MAP2K2: variants seen among roughly 807,000 people sequenced by gnomAD.
MAP2K2 encodes mitogen-activated protein kinase kinase 2.
MAP2K2 carries 24 observed loss-of-function variants against 43.7 expected under a neutral mutation model. That is an observed-to-expected ratio of 0.55 (90% CI 0.40 to 0.77). The LOEUF (loss-of-function observed/expected upper bound fraction) is 0.77. Among genes scored for constraint, MAP2K2 ranks in the 30% least tolerant of loss-of-function variants. MAP2K2 has a pLI of 0.00. For synonymous variants in MAP2K2, 244 were observed against 239.7 expected, an observed-to-expected ratio of 1.02 and a Z score of -0.17; for missense variants, 470 against 566.8, an observed-to-expected ratio of 0.83 and a Z score of 1.73.
intron 2 of MAP2K2, among the ~76,000 whole-genome samples, chr19:4,117,099 G>C (rs965181431): frequency 5.3e-5 from 8 of 152,178 alleles, no homozygotes; most frequent in African/African-American, 1.7e-4. Flanking sequence ...TTCATCGCTT[G>C]TTTCTCTGGA....
chr19:4,090,610 G>C lies in MAP2K2; in HGVS notation c.1191C>G (p.Arg397=). Reference sequence around the variant, plus strand: ...AGCCCGGCCACTGTCACACGGCGGTGCGCGTGGGTGTGCCGGGCTGGTTCA... The same window carrying C: ...AGCCCGGCCACTGTCACACGGCGGTCCGCGTGGGTGTGCCGGGCTGGTTCA... ...LRLNQPGTPT[R]TAV The change falls in exon 11 of 11, where the codon CGC becomes CGG. Residue 397 remains arginine (R), a synonymous_variant. Transcript: ENST00000262948. 1 of 1,551,388 alleles carries C rather than the reference G, an allele frequency of 6.4e-7. No homozygotes were observed. The highest frequency in any genetic ancestry group is 8.7e-7 in the Non-Finnish European group (1 of 1,147,486).
Position 4,099,433 on chromosome 19 carries a change from G to A in MAP2K2, c.706-19C>T, listed in dbSNP as rs781643833. On this transcript the variant is annotated intron_variant, in intron 6 of 10. Coordinates refer to ENST00000262948, the MANE Select transcript of MAP2K2 (RefSeq NM_030662.4). The stretch of plus-strand genomic sequence containing the variant: ...GCTCCGGCTGCAGCAGAGCCAGGGA[G>A]GAAAGAGCCCAGAGGGGCGAGGATG... 1.1e-5 allele frequency: 17 copies of A among 1,582,626 alleles called. No individual in the cohort carries two copies. The highest frequency in any genetic ancestry group is 4.0e-5 in the African/African-American group (3 of 74,082).
chr19:4,099,092 G>C (rs570492664), intron 7 of MAP2K2, 109 bp downstream of exon 7: 208 of 910,320 alleles, frequency 2.3e-4, no homozygotes, highest in Non-Finnish European at 3.4e-4. Flanking sequence ...CATCCAGGGG[G>C]ACAGGTGGTG....
chr19:4,094,899 C>A, intron 9 of MAP2K2: 1 of 381,128 alleles, frequency 2.6e-6, no homozygotes, highest in South Asian at 3.4e-5. Flanking sequence ...GTCCCGAGCT[C>A]ACACACATGG....
Position 4,101,033 on chromosome 19 carries a change from G to A in MAP2K2, c.691C>T (p.Arg231Cys), listed in dbSNP as rs375843855. Residue 231 changes from arginine to cysteine, a missense_variant, in exon 6 of 11, where the codon CGC (arginine) becomes TGC (cysteine). By Grantham distance (180) the Arg-to-Cys change is radical. Transcript: ENST00000262948. This position sits in a 1 kb window ranked among gnomAD's most constrained non-coding sequence, Gnocchi z 6.3. Reference sequence around the variant, plus strand: ...CGGGGACTCACAGCCATGTAGGAGCGCGTGCCCACGAAGGAGTTGGCCATG... The same window carrying A: ...CGGGGACTCACAGCCATGTAGGAGCACGTGCCCACGAAGGAGTTGGCCATG... ...DSMANSFVGT[R>C]SYMAPERLQG... is the part of the protein sequence containing the mutation. The A allele has an allele frequency of 1.9e-6, 3 of 1,563,482 alleles. No homozygotes were observed. Among genetic ancestry groups the A allele is most frequent in the Non-Finnish European group, 2.6e-6 (3 of 1,154,708 alleles).
rs963596101 is a variant in MAP2K2 at position 4,095,403 on chromosome 19, T to C, written c.1031A>G (p.Glu344Gly). ...CTCCACCTACCATTTATTGACAAAC[T>C]CCTGGAAGTCGGGGGTGAACACACC... is the stretch of plus-strand genomic sequence containing the variant. ...PNGVFTPDFQ[E>G]FVNKCLIKNP... Residue 344 changes from glutamate to glycine, a missense_variant, in exon 9 of 11, where the codon GAG becomes GGG. Coordinates refer to ENST00000262948, the MANE Select transcript of MAP2K2 (RefSeq NM_030662.4). The C allele has an allele frequency of 1.9e-6, 3 of 1,551,150 alleles. No homozygotes were observed. The highest frequency in any genetic ancestry group is 2.4e-5 in the South Asian group (2 of 84,058).
intron 8 of MAP2K2, among the ~76,000 whole-genome samples, chr19:4,095,754 G>A (rs2040909509): frequency 6.6e-6 from 1 of 152,178 alleles, no homozygotes; most frequent in South Asian, 2.1e-4. Context: ...TTGGGACTGG[G>A]CCCCACAGAG....
intron 3 of MAP2K2, among the ~76,000 whole-genome samples, chr19:4,108,068 T>C (rs551698817): frequency 2.0e-5 from 3 of 152,250 alleles, no homozygotes; most frequent in South Asian, 2.1e-4. Context: ...GGCCCTTCCA[T>C]GGAAACCTAT....
chr19:4,102,968 G>T, intron 3 of MAP2K2: 1 of 1,104,466 alleles, frequency 9.1e-7, no homozygotes, highest in East Asian at 7.3e-5. Flanking sequence ...GCGGCGGGTC[G>T]CTGTGTGCCC....
At chr19:4,110,684 TG>T (rs752480068) in intron 2 of MAP2K2, 29 bp from the exon 3 acceptor site, 6 of 1,602,760 alleles carry the variant, frequency 3.7e-6, no homozygotes, top group Non-Finnish European at 3.4e-6. Flanking sequence ...GAGACTGGCT[TG>T]GGGGGTGCCC....
At chr19:4,109,445 T>C (rs2041128299) in intron 3 of MAP2K2, among the ~76,000 whole-genome samples, 1 of 152,092 alleles carries the variant, frequency 6.6e-6, no homozygotes, top group South Asian at 2.1e-4. Flanking sequence ...GTCATCAGCT[T>C]TGTTATGTTT....
At chr19:4,092,584 G>A (rs1171296372) in intron 10 of MAP2K2, among the ~76,000 whole-genome samples, 3 of 151,614 alleles carry the variant, frequency 2.0e-5, no homozygotes, top group South Asian at 4.2e-4. Context: ...GCAAGACTCC[G>A]TCTGAGGGAA....
rs149545949 is a variant in MAP2K2 at position 4,115,763 on chromosome 19, G to C, written c.303+1656C>G. Among the ~76,000 whole-genome samples the C allele has an allele frequency of 3.2e-4, 48 of 152,356 alleles. 1 individual carries two copies. Among genetic ancestry groups the C allele is most frequent in the Admixed American group, 1.8e-3 (28 of 15,306 alleles). On this transcript the variant is annotated intron_variant, in intron 2 of 10. Transcript: ENST00000262948. The surrounding 1 kb of genome is among the most constrained non-coding windows in gnomAD (Gnocchi z 4.1). Reference sequence around the variant, plus strand: ...CCACCTGCGCAGACCCACGGGACTAGGTGCAGTCACGTTCCCCCAGTTTGG... The same window carrying C: ...CCACCTGCGCAGACCCACGGGACTACGTGCAGTCACGTTCCCCCAGTTTGG...
rs189185861 is a variant in MAP2K2 at position 4,101,722 on chromosome 19, C to T, written c.529-442G>A. Among the ~76,000 whole-genome samples the T allele has an allele frequency of 1.7e-4, 26 of 152,218 alleles. No homozygotes were observed. Among genetic ancestry groups the T allele is most frequent in the Middle Eastern group, 6.8e-3 (2 of 294 alleles). The stretch of plus-strand genomic sequence containing the variant: ...GGAAGGACGATGTTTCCCCCAGGCC[C>T]GCCCTGGAAGCAGCATCCCGAGAAG... On this transcript the variant is annotated intron_variant, in intron 4 of 10. Coordinates refer to ENST00000262948, the MANE Select transcript of MAP2K2 (RefSeq NM_030662.4). This position sits in a 1 kb window ranked among gnomAD's most constrained non-coding sequence, Gnocchi z 6.3.
intron 3 of MAP2K2, among the ~76,000 whole-genome samples, chr19:4,106,726 C>T (rs1218018636): frequency 6.6e-6 from 1 of 151,242 alleles, no homozygotes; most frequent in Non-Finnish European, 1.5e-5. Context: ...TTATTTTCTA[C>T]AACCACCCCT....
chr19:4,101,950 G>A lies in MAP2K2; in HGVS notation c.528+426C>T, dbSNP rs538327709. Among the ~76,000 whole-genome samples, 5 of 152,272 alleles carry A rather than the reference G, an allele frequency of 3.3e-5. No homozygotes were observed. Among genetic ancestry groups the A allele is most frequent in the African/African-American group, 7.2e-5 (3 of 41,538 alleles). ...CTACGGAGCAGCTGTGCTGGAGACC[G>A]GGCAGCAGAGACGCCCTTGGCCCCG... On this transcript the variant is annotated intron_variant, in intron 4 of 10. Coordinates refer to ENST00000262948, the MANE Select transcript of MAP2K2 (RefSeq NM_030662.4). The surrounding 1 kb of genome is among the most constrained non-coding windows in gnomAD (Gnocchi z 6.3).
At chr19:4,107,571 T>C (rs1020985064) in intron 3 of MAP2K2, among the ~76,000 whole-genome samples, 33 of 145,276 alleles carry the variant, frequency 2.3e-4, no homozygotes, top group African/African-American at 8.5e-4. Context: ...TACTCAAGCG[T>C]GCTGGTGCAC....
Position 4,117,448 on chromosome 19 carries a change from T to G in MAP2K2, c.274A>C (p.Arg92=). The change falls in exon 2 of 11, where the codon AGA becomes CGA. Residue 92 remains arginine, a synonymous_variant. Transcript: ENST00000262948. ...NGGVVTKVQH[R]PSGLIMARKL... ...CTGGCCATGATGAGGCCCGAGGGTC[T>G]GTGCTGGACTTTGGTGACCACCCCG... The G allele has an allele frequency of 1.2e-6, 2 of 1,613,872 alleles. No homozygotes were observed. The highest frequency in any genetic ancestry group is 1.7e-6 in the Non-Finnish European group (2 of 1,180,030).
At chr19:4,100,701 GA>G in intron 6 of MAP2K2, 1 of 446,770 alleles carries the variant, frequency 2.2e-6, no homozygotes, top group Admixed American at 3.7e-5. Context: ...AGGGGAATCC[GA>G]AAAGCAGGCT....
Sources: gnomAD v4.1 joint callset for allele counts (sites outside exome capture counted in the v4.1 genomes callset) on GRCh38, gnomAD v4.1.1 for gene constraint, Gnocchi (gnomAD v3.1) non-coding constraint, MANE v1.5 for transcripts, NCBI Gene and HGNC (gene_info 2026-07-23, HGNC 2026-07-21) for gene names.